The following ATP5F1D variants were observed in gnomAD, a reference collection of about 807,000 sequenced individuals.
ATP5F1D encodes ATP synthase F(1) complex subunit delta, mitochondrial.
Under a neutral mutation model 13.0 loss-of-function variants are expected in ATP5F1D, and 16 were observed. That is an observed-to-expected ratio of 1.23 (90% confidence interval 0.83 to 1.87). ATP5F1D has a LOEUF of 1.87. Ranked by LOEUF, ATP5F1D falls within the 40% of genes most tolerant of loss-of-function variation. The probability of loss-of-function intolerance (pLI) is 0.00; values close to 1 mark genes in which losing one functional copy is unlikely to be tolerated. For synonymous variants in ATP5F1D, 129 were observed against 116.2 expected, an observed-to-expected ratio of 1.11 and a Z score of -0.71; for missense variants, 294 against 246.2, an observed-to-expected ratio of 1.19 and a Z score of -1.30.
At chr19:1,242,650 G>A (rs754287190) in intron 2 of ATP5F1D, 41 bp downstream of exon 2, 3 of 1,453,676 alleles carry the variant, frequency 2.1e-6, no homozygotes, top group Non-Finnish European at 2.7e-6. Flanking sequence ...CCAGGCTGGG[G>A]CTCCACATCC....
rs1019507942 is a variant in ATP5F1D at position 1,244,368 on chromosome 19, CGAG to C, written c.440_442del (p.Glu147del). On this transcript the variant is annotated inframe_deletion, in exon 4 of 4. Transcript: ENST00000215375. ...AGGCGGAGCTGGTGGGGACAGCTGA[CGAG>C]GCCACGCGGGCAGAGATCCAGATCC... 3 of 1,582,110 alleles carry C rather than the reference CGAG, an allele frequency of 1.9e-6. No homozygotes were observed. Among genetic ancestry groups the C allele is most frequent in the Middle Eastern group, 1.7e-4 (1 of 6,016 alleles).
At chr19:1,243,913 C>G in intron 2 of ATP5F1D, 184 bp from the exon 3 acceptor site, 1 of 623,996 alleles carries the variant, frequency 1.6e-6, no homozygotes, top group Non-Finnish European at 2.8e-6. Flanking sequence ...TTGTTCTTCT[C>G]TAGCAGTTGC....
At chr19:1,242,817 C>A (rs1338252962) in intron 2 of ATP5F1D, 2 of 481,672 alleles carry the variant, frequency 4.2e-6, no homozygotes, top group Non-Finnish European at 6.6e-6. Context: ...ATGATGTAAC[C>A]CCGTCTCTTC....
intron 1 of ATP5F1D, 113 bp from the exon 2 acceptor site, chr19:1,242,343 C>G: frequency 1.6e-6 from 2 of 1,277,084 alleles, no homozygotes; most frequent in Non-Finnish European, 2.0e-6. Context: ...GTCTCAGTGC[C>G]TCACATCAGC....
rs779296438 is a variant in ATP5F1D, at chr19:1,244,431, G to A, written c.501G>A (p.Leu167=). The part of the protein sequence containing the change: ...IEANEALVKA[L]E Reference sequence around the variant, plus strand: ...CCAACGAGGCCCTGGTGAAGGCCCTGGAGTAGGCGGTGCGTACCCGGTGTC... The same window carrying A: ...CCAACGAGGCCCTGGTGAAGGCCCTAGAGTAGGCGGTGCGTACCCGGTGTC... Residue 167 remains leucine (L), a synonymous_variant, in exon 4 of 4, where the codon CTG becomes CTA. Coordinates refer to ENST00000215375, the MANE Select transcript of ATP5F1D (RefSeq NM_001687.5). 8 of 1,555,872 alleles carry A rather than the reference G, an allele frequency of 5.1e-6. No individual in the cohort carries two copies. The highest frequency in any genetic ancestry group is 7.0e-6 in the Non-Finnish European group (8 of 1,149,784).
chr19:1,244,715 T>G lies in ATP5F1D; in HGVS notation c.*278T>G. 4.4e-6 allele frequency: 2 copies of G among 450,616 alleles called. No individual in the cohort carries two copies. The highest frequency in any genetic ancestry group is 4.3e-5 in the East Asian group (1 of 23,044). The allele number at this position is 450,616 out of a possible 1,614,324, so 27.9% of individuals were successfully genotyped here. A position where few individuals can be genotyped will look rare whatever the true frequency, so the allele number is the denominator to read the frequency against. ...GATCCCCCCAGCCTGACGGGCCGCT[T>G]ACCATCCCCTCTGCCCTGCAGAGCC... On this transcript the variant is annotated 3_prime_UTR_variant, in exon 4 of 4. Transcript: ENST00000215375.
chr19:1,243,979 A>C, intron 2 of ATP5F1D, 118 bp from the exon 3 acceptor site: 2 of 1,057,946 alleles, frequency 1.9e-6, no homozygotes, highest in South Asian at 3.0e-5. Context: ...CTCAGGACAC[A>C]GACTTGGATG....
chr19:1,242,361 C>T (rs1599959879), intron 1 of ATP5F1D, 95 bp from the exon 2 acceptor site: 1 of 1,377,958 alleles, frequency 7.3e-7, no homozygotes, highest in East Asian at 2.8e-5. Context: ...AGCGCCAGGT[C>T]CTGCCCTGAC....
chr19:1,242,082 C>G, intron 1 of ATP5F1D, 91 bp downstream of exon 1: 1 of 1,262,278 alleles, frequency 7.9e-7, no homozygotes, highest in South Asian at 2.8e-5. Context: ...CTTCCGGGCC[C>G]CCGGACCCGC....
At chr19:1,244,020 T>C in intron 2 of ATP5F1D, 77 bp from the exon 3 acceptor site, 6 of 1,432,262 alleles carry the variant, frequency 4.2e-6, no homozygotes, top group Non-Finnish European at 5.7e-6. Context: ...CAGGGGGCTC[T>C]GGACTTGACC....
intron 1 of ATP5F1D, 66 bp from the exon 2 acceptor site, chr19:1,242,390 G>A: frequency 2.1e-6 from 3 of 1,441,788 alleles, no homozygotes; most frequent in Non-Finnish European, 2.8e-6. Context: ...TAGCAGGACA[G>A]GCCGAGTGCC....
At chr19:1,244,014 G>T (rs1195088739) in intron 2 of ATP5F1D, 83 bp from the exon 3 acceptor site, 7 of 1,356,802 alleles carry the variant, frequency 5.2e-6, no homozygotes, top group Non-Finnish European at 7.2e-6. Flanking sequence ...GGTTCACAGG[G>T]GGCTCTGGAC....
chr19:1,242,209 TC>T lies in ATP5F1D; in HGVS notation c.141+222del, dbSNP rs1207693451. 12 of 757,346 alleles carry T rather than the reference TC, an allele frequency of 1.6e-5. No homozygotes were observed. The African/African-American group carries it at 2.2e-4, about 14-fold the overall frequency. The allele number at this position is 757,346 out of a possible 1,614,324, so 46.9% of individuals were successfully genotyped here. A position where few individuals can be genotyped will look rare whatever the true frequency, so the allele number is the denominator to read the frequency against. ...CGAGATAAGCGTCTCCTGGGTGCCC[TC>T]CCCGATCTCCCTGGCCAAAGCCTGG... On this transcript the variant is annotated intron_variant, in intron 1 of 3. Transcript: ENST00000215375.
At position 1,244,650 on chromosome 19, in the gene ATP5F1D, C is replaced by G; in HGVS notation, c.*213C>G. 1.4e-6 allele frequency: 1 copy of G among 715,098 alleles called. No homozygotes were observed. The highest frequency in any genetic ancestry group is 2.9e-5 in the East Asian group (1 of 34,100). 44.3% of individuals were successfully genotyped at this position (715,098 alleles called of 1,614,324 possible). A position where few individuals can be genotyped will look rare whatever the true frequency, so the allele number is the denominator to read the frequency against. On this transcript the variant is annotated 3_prime_UTR_variant, in exon 4 of 4. Transcript: ENST00000215375. ...AGGGAAGCTCCTCCTCAGCTTTGAG[C>G]TGTGGCTGCCACCCATGGGGCTCTC...
In ATP5F1D at chr19:1,241,771, C is replaced by T. The variant is rs1313908136; in HGVS notation, c.-80C>T. 2.4e-6 allele frequency: 3 copies of T among 1,258,794 alleles called. No homozygotes were observed. The highest frequency in any genetic ancestry group is 3.0e-6 in the Non-Finnish European group (3 of 1,002,508). The allele number at this position is 1,258,794 out of a possible 1,614,324, so 78.0% of individuals were successfully genotyped here. A position where few individuals can be genotyped will look rare whatever the true frequency, so the allele number is the denominator to read the frequency against. On this transcript the variant is annotated 5_prime_UTR_variant, in exon 1 of 4. Coordinates refer to ENST00000215375, the MANE Select transcript of ATP5F1D (RefSeq NM_001687.5). ...CTCCCAGACGTCCCTGCGCGTCGTCCTCCTCGCCCTCCAGGCCGCCCGCGC... is the reference window on the plus strand; with the variant it reads ...CTCCCAGACGTCCCTGCGCGTCGTCTTCCTCGCCCTCCAGGCCGCCCGCGC...
chr19:1,241,889 C>A lies in ATP5F1D; in HGVS notation c.39C>A (p.Gly13=). 6.9e-7 allele frequency: 1 copy of A among 1,441,916 alleles called. No homozygotes were observed. The highest frequency in any genetic ancestry group is 9.1e-7 in the Non-Finnish European group (1 of 1,099,686). 89.3% of individuals were successfully genotyped at this position (1,441,916 alleles called of 1,614,324 possible). The change falls in exon 1 of 4, where the codon GGC becomes GGA. Residue 13 remains glycine, a synonymous_variant. Transcript: ENST00000215375. ...CGCTGCTCCGCCGCCCGGGACTTGG[C>A]CGCCTCGTCCGCCACGCCCGTGCCT... ...PAALLRRPGL[G]RLVRHARAYA...
intron 2 of ATP5F1D, 168 bp from the exon 3 acceptor site, chr19:1,243,929 A>T: frequency 1.5e-6 from 1 of 662,398 alleles, no homozygotes; most frequent in Non-Finnish European, 2.6e-6. Context: ...GTTGCCCGCC[A>T]TGTTGGGCCC....
At chr19:1,242,711 C>T (rs556564954) in intron 2 of ATP5F1D, 102 bp downstream of exon 2, 8 of 1,341,134 alleles carry the variant, frequency 6.0e-6, no homozygotes, top group Admixed American at 3.4e-5. Flanking sequence ...AGTTTTAGGC[C>T]GGGCACGGTG....
At chr19:1,244,278 C>T (rs376786572) in intron 3 of ATP5F1D, 37 bp from the exon 4 acceptor site, 95 of 1,580,770 alleles carry the variant, frequency 6.0e-5, no homozygotes, top group South Asian at 3.7e-4. Context: ...GGGCTGGGGT[C>T]GCTGCTGGCC....
Sources: allele counts gnomAD v4.1 joint callset, GRCh38; gene constraint gnomAD v4.1.1; transcripts MANE v1.5; gene names NCBI Gene and HGNC (gene_info 2026-07-23, HGNC 2026-07-21).